Variants in KIF24 observed in about 807,000 individuals in gnomAD.
KIF24 encodes the protein kinesin family member 24.
In KIF24, 81 loss-of-function variants were observed where a neutral mutation model predicts 118.9. The observed-to-expected ratio is 0.68, with a 90% CI of 0.57 to 0.82. KIF24 has a LOEUF of 0.82. KIF24 is among the 40% of genes least tolerant of loss of function. The pLI, the probability that KIF24 is intolerant of heterozygous loss-of-function variation, is 0.00. For synonymous variants in KIF24, 599 were observed against 610.0 expected, an observed-to-expected ratio of 0.98 and a Z score of 0.27; for missense variants, 1,560 against 1,661.6, an observed-to-expected ratio of 0.94 and a Z score of 1.06.
At chr9:34,288,275 C>T (rs1385415283) in intron 5 of KIF24, among the ~76,000 whole-genome samples, 1 of 151,700 alleles carries the variant, frequency 6.6e-6, no homozygotes, top group Non-Finnish European at 1.5e-5. Context: ...TGTTTGAGCC[C>T]AGGAGTTTGA....
chr9:34,326,528 T>G (rs1257463293), intron 1 of KIF24, among the ~76,000 whole-genome samples: 1 of 152,208 alleles, frequency 6.6e-6, no homozygotes, highest in Non-Finnish European at 1.5e-5. Context: ...CAGAGAAGGC[T>G]TCATTCAGAA....
chr9:34,321,585 C>A (rs1587976880), intron 1 of KIF24, among the ~76,000 whole-genome samples: 6 of 136,652 alleles, frequency 4.4e-5, no homozygotes, highest in South Asian at 2.4e-4. Context: ...AAAAGCTATA[C>A]ATACATACAT....
chr9:34,267,320 A>G (rs1297766697), intron 8 of KIF24, among the ~76,000 whole-genome samples: 1 of 152,156 alleles, frequency 6.6e-6, no homozygotes, highest in East Asian at 1.9e-4. Context: ...AAACTTTATA[A>G]TAGAGAAATT....
chr9:34,325,116 T>A (rs746779623), intron 1 of KIF24, among the ~76,000 whole-genome samples: 1 of 152,036 alleles, frequency 6.6e-6, no homozygotes, highest in Admixed American at 6.6e-5. Flanking sequence ...GGCAGAAAGA[T>A]CACTTGAGCC....
At chr9:34,268,728 G>A (rs562576731) in intron 8 of KIF24, among the ~76,000 whole-genome samples, 10 of 151,746 alleles carry the variant, frequency 6.6e-5, no homozygotes, top group Non-Finnish European at 1.3e-4. Flanking sequence ...GTCTTGTCTC[G>A]AACTCCTGAC....
chr9:34,324,015 C>A (rs913665475), intron 1 of KIF24, among the ~76,000 whole-genome samples: 6 of 152,172 alleles, frequency 3.9e-5, no homozygotes, highest in Admixed American at 1.3e-4. Flanking sequence ...CTAATCAAAT[C>A]TCACATAAGC....
At chr9:34,281,217 G>C (rs1835839965) in intron 6 of KIF24, among the ~76,000 whole-genome samples, 1 of 152,020 alleles carries the variant, frequency 6.6e-6, no homozygotes, top group Non-Finnish European at 1.5e-5. Flanking sequence ...GTAGAGGTGG[G>C]GTTTCATCAT....
At chr9:34,324,279 T>C (rs1483027188) in intron 1 of KIF24, among the ~76,000 whole-genome samples, 1 of 152,186 alleles carries the variant, frequency 6.6e-6, no homozygotes, top group Admixed American at 6.5e-5. Context: ...CAGAATTCAT[T>C]ATACCTCCTG....
chr9:34,255,025 C>A (rs1251304599), intron 12 of KIF24, 47 bp downstream of exon 12: 5 of 1,252,130 alleles, frequency 4.0e-6, no homozygotes, highest in Middle Eastern at 1.9e-4. Flanking sequence ...AAATTAGCTG[C>A]AGGCTAATTC....
At position 34,306,265 on chromosome 9, in the gene KIF24, T is replaced by C. The variant is rs765216968; in HGVS notation, c.800A>G (p.Gln267Arg). Reference protein sequence around the residue: ...HEKKEAVDLTQYILQHVFYFD... With the variant: ...HEKKEAVDLTRYILQHVFYFD... ...AAAACATCATACCTGCAGAATATATTGAGTGAGGTCAACTGCTTCTTTCTT... is the reference window on the plus strand; with the variant it reads ...AAAACATCATACCTGCAGAATATATCGAGTGAGGTCAACTGCTTCTTTCTT... Residue 267 changes from glutamine (Q) to arginine (R), a missense_variant, in exon 3 of 13, where the codon CAA becomes CGA. Around this residue, in one of 3 missense-constraint regions of KIF24, gnomAD observed 964 missense variants for 988.0 expected, o/e 0.98. Transcript: ENST00000402558. 3.1e-6 allele frequency: 5 copies of C among 1,597,228 alleles called. No individual in the cohort carries two copies. Among genetic ancestry groups the C allele is most frequent in the Non-Finnish European group, 4.3e-6 (5 of 1,171,096 alleles).
At chr9:34,291,339 T>C (rs1041573025) in intron 4 of KIF24, among the ~76,000 whole-genome samples, 7 of 152,194 alleles carry the variant, frequency 4.6e-5, no homozygotes, top group Admixed American at 4.6e-4. Context: ...CACCAAATCT[T>C]GAGGGGAAAA....
intron 8 of KIF24, among the ~76,000 whole-genome samples, chr9:34,265,146 T>TA (rs1408504565): frequency 2.0e-5 from 3 of 152,208 alleles, no homozygotes; most frequent in Non-Finnish European, 4.4e-5. Flanking sequence ...ATTTTTACTT[T>TA]AAAACCACAT....
intron 1 of KIF24, among the ~76,000 whole-genome samples, chr9:34,314,313 G>A (rs1424219967): frequency 2.0e-5 from 3 of 151,994 alleles, no homozygotes; most frequent in Non-Finnish European, 2.9e-5. Context: ...ACAGGCGCGC[G>A]CCACCACGCC....
chr9:34,286,550 C>A, intron 6 of KIF24, 67 bp downstream of exon 6: 3 of 1,162,756 alleles, frequency 2.6e-6, no homozygotes, highest in Non-Finnish European at 3.9e-6. Flanking sequence ...TGCTTAGTAG[C>A]AAAATGAATT....
At chr9:34,327,470 A>G (rs1837705551) in intron 1 of KIF24, among the ~76,000 whole-genome samples, 1 of 152,248 alleles carries the variant, frequency 6.6e-6, no homozygotes, top group Admixed American at 6.5e-5. Flanking sequence ...ATATAAAACC[A>G]CAAATTTTAA....
At chr9:34,303,347 A>C (rs1223359712) in intron 3 of KIF24, among the ~76,000 whole-genome samples, 2 of 152,344 alleles carry the variant, frequency 1.3e-5, no homozygotes, top group East Asian at 3.9e-4. Context: ...AAGTATGTGT[A>C]TTATTTAGCA....
chr9:34,292,419 T>C (rs1261036434), intron 4 of KIF24, among the ~76,000 whole-genome samples: 2 of 152,192 alleles, frequency 1.3e-5, no homozygotes, highest in East Asian at 3.8e-4. Context: ...CTTTAAATAC[T>C]GAAGCCCTCA....
Position 34,297,015 on chromosome 9 carries a change from A to T in KIF24, c.911+2T>A. On this transcript the variant is annotated splice_donor_variant, in intron 4 of 12. Transcript: ENST00000402558. LOFTEE classifies it high-confidence loss of function. Reference sequence around the variant, plus strand: ...AAAAAAAGCAAATAATCATTATCGTACCCATTGAAAATATGCTGAATAAGT... The same window carrying T: ...AAAAAAAGCAAATAATCATTATCGTTCCCATTGAAAATATGCTGAATAAGT... 6.8e-7 allele frequency: 1 copy of T among 1,478,420 alleles called. No homozygotes were observed. Among genetic ancestry groups the T allele is most frequent in the Non-Finnish European group, 9.4e-7 (1 of 1,067,296 alleles). The allele number at this position is 1,478,420 out of a possible 1,614,324, so 91.6% of individuals were successfully genotyped here.
chr9:34,330,262 A>G (rs1382894113), upstream of KIF24, among the ~76,000 whole-genome samples: 1 of 152,142 alleles, frequency 6.6e-6, no homozygotes, highest in East Asian at 1.9e-4. Context: ...AAAGTTAGCC[A>G]GGCGTCGTGG....
Sources: allele counts gnomAD v4.1 joint callset (sites outside exome capture counted in the v4.1 genomes callset), GRCh38; gene constraint gnomAD v4.1.1; regional missense constraint gnomAD v4.1.1; transcripts MANE v1.5; gene names NCBI Gene and HGNC (gene_info 2026-07-23, HGNC 2026-07-21).